The following SYNE2 variants were observed in gnomAD, a reference collection of about 807,000 sequenced individuals.
The protein encoded by SYNE2 is nesprin-2.
A neutral mutation model predicts 856.3 loss-of-function variants in SYNE2; 431 were observed. The observed-to-expected ratio is 0.50, with a 90% CI of 0.47 to 0.55. The LOEUF (loss-of-function observed/expected upper bound fraction) is 0.55. Ranked by LOEUF, SYNE2 falls within the 20% of genes least tolerant of loss-of-function variation. SYNE2 has a pLI of 0.00. For missense variants in SYNE2, 8,129 were observed against 8,023.2 expected (o/e 1.01, Z -0.50); for synonymous variants, 2,923 against 2,872.3 (o/e 1.02, Z -0.56).
intron 66 of SYNE2, 124 bp from the exon 67 acceptor site, chr14:64,119,303 C>G (rs1438911436): frequency 3.9e-6 from 5 of 1,285,898 alleles, no homozygotes; most frequent in South Asian, 1.3e-5. Context: ...AGGGTTTCTT[C>G]CATCCTGTGT....
chr14:63,997,896 G>A lies in SYNE2; in HGVS notation c.3244-323G>A, dbSNP rs184829138. On this transcript the variant is annotated intron_variant, in intron 25 of 115. Coordinates refer to ENST00000555002, the MANE Select transcript of SYNE2 (RefSeq NM_182914.3). ...GATCATGTGGAGGAAGGAATGAGATGAGGTGGATTTGTTTTTAGAGGTCTG... is the reference window on the plus strand; with the variant it reads ...GATCATGTGGAGGAAGGAATGAGATAAGGTGGATTTGTTTTTAGAGGTCTG... Among the ~76,000 whole-genome samples, 36 of 152,316 alleles carry A rather than the reference G, an allele frequency of 2.4e-4. 1 individual carries two copies. The highest frequency in any genetic ancestry group is 8.2e-4 in the African/African-American group (34 of 41,574).
chr14:63,970,847 T>G (rs1316498917), intron 11 of SYNE2, among the ~76,000 whole-genome samples: 2 of 151,602 alleles, frequency 1.3e-5, no homozygotes, highest in East Asian at 3.9e-4. Flanking sequence ...GAGACAGAGT[T>G]TCACCATGTT....
intron 1 of SYNE2, among the ~76,000 whole-genome samples, chr14:63,789,170 A>G (rs562103297): frequency 1.8e-4 from 28 of 152,272 alleles, no homozygotes; most frequent in Non-Finnish European, 2.8e-4. Flanking sequence ...GATGCATCAA[A>G]TATTTCACTG....
intron 99 of SYNE2, chr14:64,202,414 C>T (rs1486922550): frequency 1.9e-5 from 12 of 643,278 alleles, no homozygotes; most frequent in East Asian, 2.7e-5. Flanking sequence ...GGCATACCCA[C>T]GGCAGAAACT....
At position 63,939,030 on chromosome 14, in the gene SYNE2, T is replaced by G. The variant is rs1446055007; in HGVS notation, c.80-1584T>G. ...CTGATATAAGCAAGGATAAAGGGTA[T>G]AGTGAGATGAGGCCTGGTGAACTGG... On this transcript the variant is annotated intron_variant, in intron 2 of 115. Coordinates refer to ENST00000555002, the MANE Select transcript of SYNE2 (RefSeq NM_182914.3). 1.3e-5 allele frequency among the ~76,000 whole-genome samples: 2 copies of G among 151,960 alleles called. 1 individual carries two copies. Among genetic ancestry groups the G allele is most frequent in the Non-Finnish European group, 2.9e-5 (2 of 67,990 alleles).
At chr14:64,083,161 G>T (rs2097536575) in intron 57 of SYNE2, among the ~76,000 whole-genome samples, 2 of 151,990 alleles carry the variant, frequency 1.3e-5, no homozygotes, top group African/African-American at 2.4e-5. Flanking sequence ...AGAATCGTTG[G>T]CATATTTTTT....
intron 65 of SYNE2, 150 bp from the exon 66 acceptor site, chr14:64,113,191 G>C: frequency 6.7e-7 from 1 of 1,492,652 alleles, no homozygotes; most frequent in East Asian, 2.5e-5. Flanking sequence ...TTGTTGCTAT[G>C]AGTGTGGAGG....
At position 64,076,020 on chromosome 14, in the gene SYNE2, G is replaced by C; in HGVS notation, c.10942G>C (p.Glu3648Gln). 6.2e-7 allele frequency: 1 copy of C among 1,613,944 alleles called. No homozygotes were observed. The highest frequency in any genetic ancestry group is 8.5e-7 in the Non-Finnish European group (1 of 1,179,860). ...IMEKLRIKYS[E>Q]MYTIVPAEIE... ...GGAAAAACTGCGAATCAAGTATTCC[G>C]AAATGTACACCATAGTCCCTGCAGA... Residue 3648 changes from glutamate to glutamine, a missense_variant, in exon 54 of 116, where the codon GAA (glutamate) becomes CAA (glutamine). By Grantham distance (29) the Glu-to-Gln change is conservative. Coordinates refer to ENST00000555002, the MANE Select transcript of SYNE2 (RefSeq NM_182914.3).
chr14:64,062,326 A>G (rs1387829776), intron 49 of SYNE2, among the ~76,000 whole-genome samples: 1 of 152,232 alleles, frequency 6.6e-6, no homozygotes, highest in Non-Finnish European at 1.5e-5. Context: ...CAAAAGATTT[A>G]GGATAAGCTC....
intron 61 of SYNE2, among the ~76,000 whole-genome samples, chr14:64,095,559 C>A (rs977543662): frequency 2.6e-5 from 4 of 152,082 alleles, no homozygotes; most frequent in Admixed American, 2.0e-4. Context: ...CAGAAAAAAT[C>A]TTTTAGTATT....
chr14:63,832,597 G>A lies in SYNE2; in HGVS notation c.-304-19904G>A, dbSNP rs560300379. The stretch of plus-strand genomic sequence containing the variant: ...CAGTTATGACAGAAGTGCATGATTT[G>A]GTGGATTCTCTACCTCTCTGTTTTA... On this transcript the variant is annotated intron_variant, in intron 1 of 23. Coordinates refer to the SYNE2 transcript ENST00000674003. Among the ~76,000 whole-genome samples, 3 of 152,106 alleles carry A rather than the reference G, an allele frequency of 2.0e-5. No homozygotes were observed. In the East Asian group the frequency reaches 5.8e-4, roughly 30 times the overall value.
chr14:63,943,032 G>A (rs2095948317), intron 6 of SYNE2, among the ~76,000 whole-genome samples: 1 of 152,202 alleles, frequency 6.6e-6, no homozygotes, highest in Admixed American at 6.5e-5. Context: ...CATGGTAAAT[G>A]TTTGCTTCTT....
chr14:63,970,257 T>C (rs2096456571), intron 11 of SYNE2, among the ~76,000 whole-genome samples: 1 of 152,180 alleles, frequency 6.6e-6, no homozygotes, highest in Admixed American at 6.5e-5. Flanking sequence ...AGCACAATCA[T>C]GGCTTACTGC....
At chr14:64,098,288 G>T in intron 62 of SYNE2, 142 bp downstream of exon 62, 2 of 898,764 alleles carry the variant, frequency 2.2e-6, no homozygotes, top group Non-Finnish European at 3.5e-6. Context: ...CTCAACCTGA[G>T]GTTGTTTACT....
intron 64 of SYNE2, among the ~76,000 whole-genome samples, chr14:64,106,877 T>G (rs1327447794): frequency 6.6e-6 from 1 of 152,250 alleles, no homozygotes; most frequent in African/African-American, 2.4e-5. Context: ...TCTAGTTATA[T>G]TTTTCATAAC....
intron 71 of SYNE2, among the ~76,000 whole-genome samples, chr14:64,125,463 G>A (rs561009981): frequency 1.1e-4 from 16 of 152,282 alleles, no homozygotes; most frequent in East Asian, 1.9e-4. Flanking sequence ...GATGAGTGCC[G>A]TCTGCAGTGG....
chr14:64,089,271 C>A (rs2097586288), intron 58 of SYNE2, among the ~76,000 whole-genome samples: 2 of 144,874 alleles, frequency 1.4e-5, no homozygotes, highest in African/African-American at 5.1e-5. Flanking sequence ...GAGGCTGAGG[C>A]AGGAGAATCG....
chr14:63,844,015 A>T, intron 1 of SYNE2, among the ~76,000 whole-genome samples: 1 of 152,140 alleles, frequency 6.6e-6, no homozygotes, highest in African/African-American at 2.4e-5. Context: ...AATCCATGAA[A>T]CTACATTGAC....
intron 30 of SYNE2, among the ~76,000 whole-genome samples, chr14:64,006,556 C>T (rs1342100506): frequency 2.0e-5 from 3 of 152,230 alleles, no homozygotes; most frequent in East Asian, 1.9e-4. Context: ...CAGCCAGGCA[C>T]GGTAGCTCAC....
Sources: gnomAD v4.1 joint callset for allele counts (sites outside exome capture counted in the v4.1 genomes callset) on GRCh38, gnomAD v4.1.1 for gene constraint, MANE v1.5 for transcripts, NCBI Gene and HGNC (gene_info 2026-07-23, HGNC 2026-07-21) for gene names.